The following ALOX5 variants were observed in gnomAD, a reference collection of about 807,000 sequenced individuals.
ALOX5 encodes arachidonate 5-lipoxygenase, also known as polyunsaturated fatty acid 5-lipoxygenase.
A neutral mutation model predicts 87.9 loss-of-function variants in ALOX5; 64 were observed. The observed-to-expected ratio is 0.73, with a 90% CI of 0.60 to 0.90. The LOEUF is 0.90. Among genes scored for constraint, ALOX5 ranks in the 40% least tolerant of loss-of-function variants. The pLI is 0.00. For synonymous variants in ALOX5, 388 were observed against 355.1 expected, an observed-to-expected ratio of 1.09 and a Z score of -1.04; for missense variants, 822 against 907.5, an observed-to-expected ratio of 0.91 and a Z score of 1.21.
intron 3 of ALOX5, among the ~76,000 whole-genome samples, chr10:45,406,190 G>A (rs1225258965): frequency 2.0e-5 from 3 of 152,116 alleles, no homozygotes; most frequent in Admixed American, 6.6e-5. Flanking sequence ...TCCTTTTAGG[G>A]GTTTGAGATA....
chr10:45,439,166 CTG>C (rs1842145328), intron 7 of ALOX5, among the ~76,000 whole-genome samples: 1 of 152,122 alleles, frequency 6.6e-6, no homozygotes, highest in African/African-American at 2.4e-5. Flanking sequence ...GGCATTTCAC[CTG>C]TTTCCTTTTA....
intron 7 of ALOX5, among the ~76,000 whole-genome samples, chr10:45,430,851 C>CT (rs1841882016): frequency 6.6e-6 from 1 of 152,172 alleles, no homozygotes; most frequent in Non-Finnish European, 1.5e-5. Context: ...TTCCAGGGCT[C>CT]TTTATCAGCC....
chr10:45,398,076 C>A (rs576213805), intron 3 of ALOX5, among the ~76,000 whole-genome samples: 56 of 152,266 alleles, frequency 3.7e-4, no homozygotes, highest in Non-Finnish European at 6.5e-4. Flanking sequence ...GGAGGACTTG[C>A]ACTTCTCAAT....
chr10:45,392,298 G>A lies in ALOX5; in HGVS notation c.350-3557G>A, dbSNP rs927375125. On this transcript the variant is annotated intron_variant, in intron 2 of 13. Transcript: ENST00000374391. Reference sequence around the variant, plus strand: ...AAGGTGGGGAAAAGATTGAGAAATCGGATGGTTGCTGTGTCTGTGTAGAAA... The same window carrying A: ...AAGGTGGGGAAAAGATTGAGAAATCAGATGGTTGCTGTGTCTGTGTAGAAA... Among the ~76,000 whole-genome samples, 22 of 152,246 alleles carry A rather than the reference G, an allele frequency of 1.4e-4. No individual in the cohort carries two copies. The East Asian group carries it at 2.7e-3, about 19-fold the overall frequency.
At chr10:45,430,665 A>AT (rs1841876958) in intron 7 of ALOX5, among the ~76,000 whole-genome samples, 1 of 152,154 alleles carries the variant, frequency 6.6e-6, no homozygotes, top group Admixed American at 6.5e-5. Flanking sequence ...ATGATTACAT[A>AT]TTTTTTAAAT....
chr10:45,417,175 T>C (rs1457486652), intron 4 of ALOX5, among the ~76,000 whole-genome samples: 1 of 151,622 alleles, frequency 6.6e-6, no homozygotes, highest in Admixed American at 6.6e-5. Context: ...TTTAACAGGG[T>C]TTAATGAGCA....
intron 7 of ALOX5, among the ~76,000 whole-genome samples, chr10:45,439,661 C>T (rs1256304058): frequency 6.6e-6 from 1 of 152,196 alleles, no homozygotes. Flanking sequence ...TGTACAGAGG[C>T]ATCAGCAACC....
intron 4 of ALOX5, among the ~76,000 whole-genome samples, chr10:45,416,240 A>C (rs76053611): frequency 0.013 from 1,955 of 152,272 alleles, 43 homozygotes; most frequent in African/African-American, 0.043. Context: ...CTGAGTCTCC[A>C]AGGGGTCAAG....
intron 4 of ALOX5, 91 bp from the exon 5 acceptor site, chr10:45,423,950 T>G: frequency 1.0e-6 from 1 of 992,692 alleles, no homozygotes. Flanking sequence ...GGGGCGGGGG[T>G]TGTGAGGACC....
At chr10:45,427,177 G>T (rs1188877785) in intron 6 of ALOX5, among the ~76,000 whole-genome samples, 1 of 152,196 alleles carries the variant, frequency 6.6e-6, no homozygotes, top group Non-Finnish European at 1.5e-5. Flanking sequence ...CAAATCTCAG[G>T]CCTCCTATTC....
At chr10:45,424,921 A>G in intron 5 of ALOX5, 39 bp from the exon 6 acceptor site, 2 of 1,611,012 alleles carry the variant, frequency 1.2e-6, no homozygotes, top group Non-Finnish European at 1.7e-6. Context: ...GCTGCCCTCT[A>G]CTCAGAGCTC....
chr10:45,395,981 T>C lies in ALOX5; in HGVS notation c.431+45T>C, dbSNP rs1184461179. On this transcript the variant is annotated intron_variant, in intron 3 of 13. Coordinates refer to ENST00000374391, the MANE Select transcript of ALOX5 (RefSeq NM_000698.5). The stretch of plus-strand genomic sequence containing the variant: ...CGAGTGGCCACGGGGCCATGGTTTC[T>C]TCTATCTCAAGAGCATGGTATGAAA... 3 of 1,579,242 alleles carry C rather than the reference T, an allele frequency of 1.9e-6. No homozygotes were observed. In the African/African-American group the frequency reaches 4.0e-5, roughly 21 times the overall value.
intron 6 of ALOX5, among the ~76,000 whole-genome samples, chr10:45,427,591 G>A (rs1279316343): frequency 6.6e-6 from 1 of 152,218 alleles, no homozygotes; most frequent in Non-Finnish European, 1.5e-5. Flanking sequence ...AGCTGCAGGG[G>A]GGCGCTCTGG....
At chr10:45,390,625 G>T (rs1840183888) in intron 2 of ALOX5, among the ~76,000 whole-genome samples, 1 of 152,204 alleles carries the variant, frequency 6.6e-6, no homozygotes, top group Non-Finnish European at 1.5e-5. Context: ...CAGAAATAAA[G>T]ATTTTCTTTG....
intron 1 of ALOX5, among the ~76,000 whole-genome samples, chr10:45,376,120 T>A (rs1301662036): frequency 1.3e-5 from 2 of 152,206 alleles, no homozygotes; most frequent in African/African-American, 4.8e-5. Context: ...GCAGGGGACA[T>A]GATAACGTGG....
At chr10:45,398,245 A>G (rs1840582710) in intron 3 of ALOX5, among the ~76,000 whole-genome samples, 1 of 152,228 alleles carries the variant, frequency 6.6e-6, no homozygotes. Flanking sequence ...TTAACAGAGA[A>G]AGAATAGTCT....
chr10:45,388,265 C>T lies in ALOX5; in HGVS notation c.349+5584C>T, dbSNP rs369808377. On this transcript the variant is annotated intron_variant, in intron 2 of 13. Transcript: ENST00000374391. ...CCTCTGTAGACTCCACCTCTGGGGG[C>T]AGGTCATAGCCGAACAAAAGGCAGC... Among the ~76,000 whole-genome samples, 23 of 152,234 alleles carry T rather than the reference C, an allele frequency of 1.5e-4. 1 individual carries two copies. Among genetic ancestry groups the T allele is most frequent in the African/African-American group, 4.1e-4 (17 of 41,466 alleles).
intron 2 of ALOX5, among the ~76,000 whole-genome samples, chr10:45,394,346 C>A (rs866198392): frequency 0.022 from 3,338 of 152,236 alleles, 115 homozygotes; most frequent in African/African-American, 0.076. Context: ...CAAAAACAAG[C>A]AATGGGGAAA....
rs373718161 is a variant in ALOX5, at chr10:45,424,263, C to T, written c.661+116C>T. ...CCTGCCTGCTGCAGCATGGGGGCCT[C>T]GCTGCCACCATGCCACCCTGGACAG... On this transcript the variant is annotated intron_variant, in intron 5 of 13. Coordinates refer to ENST00000374391, the MANE Select transcript of ALOX5 (RefSeq NM_000698.5). 33 of 854,792 alleles carry T rather than the reference C, an allele frequency of 3.9e-5. No individual in the cohort carries two copies. The Middle Eastern group carries it at 1.0e-3, about 27-fold the overall frequency. 53.0% of individuals were successfully genotyped at this position (854,792 alleles called of 1,614,324 possible). A position where few individuals can be genotyped will look rare whatever the true frequency, so the allele number is the denominator to read the frequency against.
Sources: gnomAD v4.1 joint callset for allele counts (sites outside exome capture counted in the v4.1 genomes callset) on GRCh38, gnomAD v4.1.1 for gene constraint, MANE v1.5 for transcripts, NCBI Gene and HGNC (gene_info 2026-07-23, HGNC 2026-07-21) for gene names.